PRR5: variants seen among roughly 807,000 people sequenced by gnomAD.
The protein encoded by PRR5 is proline-rich protein 5.
A neutral mutation model predicts 30.6 loss-of-function variants in PRR5; 25 were observed. The observed-to-expected ratio is 0.82, with a 90% confidence interval of 0.60 to 1.14. The LOEUF is 1.14. PRR5 is among the 50% of genes most tolerant of loss of function. The pLI is 0.00. For synonymous variants in PRR5, 286 were observed against 247.1 expected, an observed-to-expected ratio of 1.16 and a Z score of -1.48; for missense variants, 600 against 547.1, an observed-to-expected ratio of 1.10 and a Z score of -0.96.
intron 1 of PRR5, among the ~76,000 whole-genome samples, chr22:44,686,082 G>A (rs1334375667): frequency 6.6e-6 from 1 of 152,014 alleles, no homozygotes; most frequent in Non-Finnish European, 1.5e-5. Flanking sequence ...GTGAAACCCC[G>A]TTTCTACTAA....
chr22:44,702,438 G>A lies in PRR5; in HGVS notation c.-37G>A. ...CGGCGTGGCGCAGGGCGCGGCGTGG[G>A]GCGCGCGTGGGCGCGGCGCAGGCGG... On this transcript the variant is annotated 5_prime_UTR_variant, in exon 1 of 8. Coordinates refer to ENST00000336985, the MANE Select transcript of PRR5 (RefSeq NM_181333.4). 1.5e-6 allele frequency: 2 copies of A among 1,292,638 alleles called. No homozygotes were observed. The highest frequency in any genetic ancestry group is 2.0e-6 in the Non-Finnish European group (2 of 1,017,676). The allele number at this position is 1,292,638 out of a possible 1,614,324, so 80.1% of individuals were successfully genotyped here.
intron 1 of PRR5, among the ~76,000 whole-genome samples, chr22:44,690,452 G>A (rs1236618373): frequency 6.6e-6 from 1 of 152,180 alleles, no homozygotes; most frequent in Non-Finnish European, 1.5e-5. Flanking sequence ...GCATGGCAGG[G>A]CCAGAGGCCA....
At position 44,737,327 on chromosome 22, in the gene PRR5, C is replaced by T. The variant is rs1923468558; in HGVS notation, c.*80C>T. On this transcript the variant is annotated 3_prime_UTR_variant, in exon 8 of 8. Coordinates refer to ENST00000336985, the MANE Select transcript of PRR5 (RefSeq NM_181333.4). ...CCATGTGGCGTGTGTGTGAGTGAGA[C>T]TTTTTTACTGCGTCCCGTCCCGCCA... 1 of 1,507,370 alleles carries T rather than the reference C, an allele frequency of 6.6e-7. No individual in the cohort carries two copies. The highest frequency in any genetic ancestry group is 8.9e-7 in the Non-Finnish European group (1 of 1,128,342). 93.4% of individuals were successfully genotyped at this position (1,507,370 alleles called of 1,614,324 possible).
At chr22:44,707,687 CTCTG>C (rs1489751756) in intron 1 of PRR5, among the ~76,000 whole-genome samples, 2 of 152,242 alleles carry the variant, frequency 1.3e-5, no homozygotes, top group African/African-American at 4.8e-5. Flanking sequence ...TTGCCCTCAC[CTCTG>C]TCTGGGGATC....
Position 44,702,705 on chromosome 22 carries a change from G to A in PRR5, c.134+97G>A, listed in dbSNP as rs1196729603. The A allele has an allele frequency of 6.5e-6, 8 of 1,222,980 alleles. No homozygotes were observed. The East Asian group carries it at 1.3e-4, about 20-fold the overall frequency. The allele number at this position is 1,222,980 out of a possible 1,614,324, so 75.8% of individuals were successfully genotyped here. On this transcript the variant is annotated intron_variant, in intron 1 of 7. Coordinates refer to ENST00000336985, the MANE Select transcript of PRR5 (RefSeq NM_181333.4). ...CTAGGGGCCGCCCCGAGCCAGGAACGCTGCCGAAGGCGGCGCGGCGCTTCA... is the reference window on the plus strand; with the variant it reads ...CTAGGGGCCGCCCCGAGCCAGGAACACTGCCGAAGGCGGCGCGGCGCTTCA...
At chr22:44,730,248 T>A (rs1346689173) in intron 4 of PRR5, 1 of 985,052 alleles carries the variant, frequency 1.0e-6, no homozygotes, top group Admixed American at 6.1e-5. Flanking sequence ...AAAGCAGTTC[T>A]GGCCGGGGGC....
Position 44,737,436 on chromosome 22 carries a change from A to G in PRR5, c.*189A>G, listed in dbSNP as rs1421136379. 5 of 1,266,282 alleles carry G rather than the reference A, an allele frequency of 3.9e-6. No individual in the cohort carries two copies. The highest frequency in any genetic ancestry group is 2.6e-5 in the East Asian group (1 of 38,462). 78.4% of individuals were successfully genotyped at this position (1,266,282 alleles called of 1,614,324 possible). A position where few individuals can be genotyped will look rare whatever the true frequency, so the allele number is the denominator to read the frequency against. On this transcript the variant is annotated 3_prime_UTR_variant, in exon 8 of 8. Coordinates refer to ENST00000336985, the MANE Select transcript of PRR5 (RefSeq NM_181333.4). ...ACCATCAGCCTTCCTTGCTCGGCCC[A>G]GGTCTGTTTCAGGCATCTGAGTCGG...
chr22:44,692,308 TGCTCCTCCTCCCGGG>T (rs1159329059), intron 1 of PRR5, among the ~76,000 whole-genome samples: 3 of 102,136 alleles, frequency 2.9e-5, no homozygotes, highest in East Asian at 6.8e-4. Flanking sequence ...CCCCTCTCGG[TGCTCCTCCTCCCGGG>T]GCTCCTCCTC....
chr22:44,729,920 G>C, intron 4 of PRR5: 1 of 985,492 alleles, frequency 1.0e-6, no homozygotes, highest in Non-Finnish European at 1.2e-6. Context: ...GAGGGGGACT[G>C]AAGGGACTTT....
At chr22:44,679,693 C>T (rs993003961) in intron 1 of PRR5, 121 of 1,073,684 alleles carry the variant, frequency 1.1e-4, no homozygotes, top group Middle Eastern at 3.1e-4. Context: ...GCAACAAGAG[C>T]GAAACTCCAT....
At chr22:44,715,254 G>A (rs756514569) in intron 2 of PRR5, among the ~76,000 whole-genome samples, 12 of 152,168 alleles carry the variant, frequency 7.9e-5, no homozygotes, top group Non-Finnish European at 1.0e-4. Context: ...AAAGCTCAGA[G>A]AGGTCAAGTG....
In PRR5 at chr22:44,684,949, C is replaced by A. The variant is rs555698791; in HGVS notation, c.-11+7709C>A. On this transcript the variant is annotated intron_variant, in intron 1 of 8. Coordinates refer to the PRR5 transcript ENST00000006251. Reference sequence around the variant, plus strand: ...CTCTCAGGGGAAGGGAAGTGGCAGCCCGGGACTCAGGGCCCGGCACGAAGT... The same window carrying A: ...CTCTCAGGGGAAGGGAAGTGGCAGCACGGGACTCAGGGCCCGGCACGAAGT... Among the ~76,000 whole-genome samples, 13 of 152,288 alleles carry A rather than the reference C, an allele frequency of 8.5e-5. No individual in the cohort carries two copies. The East Asian group carries it at 2.3e-3, about 27-fold the overall frequency.
intron 1 of PRR5, among the ~76,000 whole-genome samples, chr22:44,692,840 A>G (rs1438423021): frequency 6.6e-6 from 1 of 151,978 alleles, no homozygotes; most frequent in Non-Finnish European, 1.5e-5. Context: ...GGCTGCAAAC[A>G]CGAAGGTTCG....
At position 44,669,110 on chromosome 22, in the gene PRR5, C is replaced by A. The variant is rs1221360722; in HGVS notation, c.-11+305C>A. On this transcript the variant is annotated intron_variant, in intron 1 of 8. Coordinates refer to the PRR5 transcript ENST00000432186. ...GTTCTCTCCCAGCCTCTCTCGCTCGCCCCCCGCCCCGCCCCCTTCCCTCTA... is the reference window on the plus strand; with the variant it reads ...GTTCTCTCCCAGCCTCTCTCGCTCGACCCCCGCCCCGCCCCCTTCCCTCTA... Among the ~76,000 whole-genome samples the A allele has an allele frequency of 2.7e-5, 4 of 149,004 alleles. No homozygotes were observed. The East Asian group carries it at 8.1e-4, about 30-fold the overall frequency.
chr22:44,709,266 C>T (rs1021157139), intron 1 of PRR5, among the ~76,000 whole-genome samples: 1 of 152,180 alleles, frequency 6.6e-6, no homozygotes, highest in African/African-American at 2.4e-5. Context: ...ATTTCTTGCC[C>T]TAGTTCCCAG....
chr22:44,694,613 C>G (rs1328327453), intron 1 of PRR5, among the ~76,000 whole-genome samples: 1 of 151,784 alleles, frequency 6.6e-6, no homozygotes, highest in African/African-American at 2.4e-5. Context: ...TGAAGCCTGC[C>G]CTCCTGCCTG....
chr22:44,701,205 A>C (rs1926249715), upstream of PRR5, among the ~76,000 whole-genome samples: 3 of 152,306 alleles, frequency 2.0e-5, 1 homozygote, highest in African/African-American at 7.2e-5. Flanking sequence ...GGGCCCTCCC[A>C]GCTCCTGGAG....
intron 1 of PRR5, among the ~76,000 whole-genome samples, chr22:44,706,009 A>C (rs909557725): frequency 7.2e-5 from 11 of 152,204 alleles, no homozygotes; most frequent in African/African-American, 2.6e-4. Flanking sequence ...CGTGTTGGCC[A>C]GGCTACTCTC....
chr22:44,721,803 C>T (rs1273272457), intron 2 of PRR5, among the ~76,000 whole-genome samples: 1 of 152,236 alleles, frequency 6.6e-6, no homozygotes, highest in Non-Finnish European at 1.5e-5. Flanking sequence ...TGCTAGCAAG[C>T]ACCGGGGCCT....
Sources: allele counts gnomAD v4.1 joint callset (sites outside exome capture counted in the v4.1 genomes callset), GRCh38; gene constraint gnomAD v4.1.1; transcripts MANE v1.5; gene names NCBI Gene and HGNC (gene_info 2026-07-23, HGNC 2026-07-21).